The following SLC9A9 variants were observed in gnomAD, a reference collection of about 807,000 sequenced individuals.
SLC9A9 encodes solute carrier family 9 member A9.
In SLC9A9, 62 loss-of-function variants were observed where a neutral mutation model predicts 77.8. The ratio of observed to expected loss-of-function variants is 0.80; its 90% CI spans 0.65 to 0.98. The LOEUF is 0.98. Ranked by LOEUF, SLC9A9 falls within the 50% of genes least tolerant of loss-of-function variation. The probability of loss-of-function intolerance (pLI) is 0.00; values close to 1 mark genes in which losing one functional copy is unlikely to be tolerated. For missense variants in SLC9A9, 775 were observed against 774.9 expected (o/e 1.00, Z 0.00); for synonymous variants, 320 against 283.5 (o/e 1.13, Z -1.29).
intron 4 of SLC9A9, among the ~76,000 whole-genome samples, chr3:143,749,856 A>G (rs531291520): frequency 6.6e-6 from 1 of 152,360 alleles, no homozygotes; most frequent in Admixed American, 6.5e-5. Flanking sequence ...GACTAAAATC[A>G]GGAACAAAAG....
rs200655173 is a variant in SLC9A9, at chr3:143,778,085, G to GA, written c.533+16915dup. ...AATCAATGGCACTTTTTCATTACAG[G>GA]ATATAAATCCAAATCTTTTATTATT... On this transcript the variant is annotated intron_variant, in intron 4 of 15. Transcript: ENST00000316549. 9.9e-3 allele frequency among the ~76,000 whole-genome samples: 1,303 copies of GA among 131,766 alleles called. 19 individuals carry two copies. The highest frequency in any genetic ancestry group is 0.034 in the African/African-American group (1,229 of 36,200). 86.4% of individuals were successfully genotyped at this position (131,766 alleles called of 152,430 possible).
chr3:143,791,134 G>A (rs2008204437), intron 4 of SLC9A9, among the ~76,000 whole-genome samples: 2 of 152,064 alleles, frequency 1.3e-5, no homozygotes, highest in African/African-American at 4.8e-5. Context: ...AGAAGGAGAT[G>A]GATTTAAAAT....
intron 5 of SLC9A9, among the ~76,000 whole-genome samples, chr3:143,667,057 C>T (rs898432400): frequency 6.6e-6 from 1 of 152,202 alleles, no homozygotes; most frequent in Non-Finnish European, 1.5e-5. Context: ...AAGCTGGAGG[C>T]ATCATGCTAC....
intron 12 of SLC9A9, among the ~76,000 whole-genome samples, chr3:143,407,808 A>G (rs889366252): frequency 1.2e-4 from 19 of 152,260 alleles, no homozygotes; most frequent in African/African-American, 4.3e-4. Flanking sequence ...AAATTTTAAT[A>G]TGCATACTCA....
chr3:143,629,197 A>G (rs1173627307), intron 6 of SLC9A9, among the ~76,000 whole-genome samples: 1 of 152,148 alleles, frequency 6.6e-6, no homozygotes, highest in Non-Finnish European at 1.5e-5. Flanking sequence ...CACCCAAATA[A>G]TTTATCAATT....
chr3:143,651,577 T>TAA (rs2038796194), intron 6 of SLC9A9, among the ~76,000 whole-genome samples: 1 of 152,228 alleles, frequency 6.6e-6, no homozygotes. Flanking sequence ...ATGTTGGTCT[T>TAA]AATCTAAAAC....
At chr3:143,495,142 C>A (rs112261192) in intron 10 of SLC9A9, among the ~76,000 whole-genome samples, 193 bp downstream of exon 10, 1,619 of 152,202 alleles carry the variant, frequency 0.011, 29 homozygotes, top group African/African-American at 0.036. Flanking sequence ...TATCTTGAAC[C>A]ATAATTATTT....
At chr3:143,342,677 G>A (rs959603679) in intron 14 of SLC9A9, among the ~76,000 whole-genome samples, 2 of 152,188 alleles carry the variant, frequency 1.3e-5, no homozygotes, top group South Asian at 4.1e-4. Flanking sequence ...GGCAATGCTT[G>A]TAGACACAAA....
chr3:143,711,974 T>C (rs1205646589), intron 4 of SLC9A9, among the ~76,000 whole-genome samples: 1 of 152,220 alleles, frequency 6.6e-6, no homozygotes, highest in Non-Finnish European at 1.5e-5. Context: ...CTCTATTCAA[T>C]ACCAGAGAAT....
At chr3:143,677,445 A>G (rs1234525631) in intron 5 of SLC9A9, among the ~76,000 whole-genome samples, 1 of 149,206 alleles carries the variant, frequency 6.7e-6, no homozygotes, top group East Asian at 2.0e-4. Flanking sequence ...CTATCATCTT[A>G]AAAATGTTGC....
intron 9 of SLC9A9, among the ~76,000 whole-genome samples, chr3:143,548,298 T>G (rs6440178): frequency 6.7e-6 from 1 of 148,770 alleles, no homozygotes; most frequent in Admixed American, 6.7e-5. Flanking sequence ...TGTCTGGGGG[T>G]GGTGGGGGTG....
At chr3:143,568,648 A>T (rs1002054576) in intron 8 of SLC9A9, among the ~76,000 whole-genome samples, 2 of 152,162 alleles carry the variant, frequency 1.3e-5, no homozygotes, top group Non-Finnish European at 2.9e-5. Flanking sequence ...GTGATCTGTT[A>T]TTCAGGTTTT....
At chr3:143,618,621 C>A (rs1323117459) in intron 6 of SLC9A9, among the ~76,000 whole-genome samples, 1 of 152,138 alleles carries the variant, frequency 6.6e-6, no homozygotes, top group Non-Finnish European at 1.5e-5. Context: ...TAGGACCAAC[C>A]TGGCACGATG....
chr3:143,413,585 T>C (rs1021496778), intron 12 of SLC9A9, among the ~76,000 whole-genome samples: 10 of 152,204 alleles, frequency 6.6e-5, no homozygotes, highest in Admixed American at 3.3e-4. Flanking sequence ...TCTAGAGAAC[T>C]CTTCACCTGT....
At chr3:143,624,651 C>A (rs1315066211) in intron 6 of SLC9A9, among the ~76,000 whole-genome samples, 1 of 152,098 alleles carries the variant, frequency 6.6e-6, no homozygotes, top group Non-Finnish European at 1.5e-5. Context: ...AAACCCACAG[C>A]CAATATCATA....
intron 6 of SLC9A9, among the ~76,000 whole-genome samples, chr3:143,585,000 C>A (rs776641755): frequency 9.2e-5 from 14 of 152,178 alleles, no homozygotes; most frequent in Non-Finnish European, 1.6e-4. Flanking sequence ...TCTTTATGGG[C>A]GTAACTGCTT....
intron 4 of SLC9A9, among the ~76,000 whole-genome samples, chr3:143,724,029 G>C (rs541457874): frequency 2.6e-5 from 4 of 152,316 alleles, no homozygotes; most frequent in African/African-American, 7.2e-5. Context: ...TTCTGGAGAT[G>C]GAAGTTCTTT....
intron 2 of SLC9A9, among the ~76,000 whole-genome samples, chr3:143,798,695 C>T (rs925136238): frequency 3.9e-5 from 6 of 152,170 alleles, no homozygotes; most frequent in African/African-American, 7.2e-5. Flanking sequence ...TTTTTCCATC[C>T]TACAAGATCT....
chr3:143,280,768 G>C (rs1057188075), intron 14 of SLC9A9, among the ~76,000 whole-genome samples: 1 of 152,020 alleles, frequency 6.6e-6, no homozygotes, highest in South Asian at 2.1e-4. Flanking sequence ...GGACAGGCTG[G>C]TCTCGAACTC....
Sources: allele counts gnomAD v4.1 joint callset (sites outside exome capture counted in the v4.1 genomes callset), GRCh38; gene constraint gnomAD v4.1.1; transcripts MANE v1.5; gene names NCBI Gene and HGNC (gene_info 2026-07-23, HGNC 2026-07-21).